Variants in TPCN2 observed in about 807,000 individuals in gnomAD.
TPCN2 encodes two pore segment channel 2.
TPCN2 carries 92 observed loss-of-function variants against 111.4 expected under a neutral mutation model. The observed-to-expected ratio is 0.83, with a 90% confidence interval of 0.70 to 0.98. The LOEUF is 0.98. Ranked by LOEUF, TPCN2 falls within the 50% of genes least tolerant of loss-of-function variation. TPCN2 has a pLI of 0.00. For missense variants in TPCN2, 995 were observed against 980.1 expected, an observed-to-expected ratio of 1.02 and a Z score of -0.20; for synonymous variants, 405 against 414.5, an observed-to-expected ratio of 0.98 and a Z score of 0.28.
chr11:69,060,446 G>A (rs1466264884), intron 5 of TPCN2, among the ~76,000 whole-genome samples: 3 of 152,182 alleles, frequency 2.0e-5, no homozygotes, highest in East Asian at 1.9e-4. Flanking sequence ...CCTTGTGGCC[G>A]AGTGGGTTGG....
intron 21 of TPCN2, 21 bp downstream of exon 21, chr11:69,085,773 C>T (rs1179817119): frequency 6.2e-7 from 1 of 1,613,502 alleles, no homozygotes. Flanking sequence ...CGCCCTGTCC[C>T]AGCACCCTGC....
rs758062897 is a variant in TPCN2, at chr11:69,055,361, G to A, written c.429+9G>A. The A allele has an allele frequency of 1.3e-6, 2 of 1,598,970 alleles. No individual in the cohort carries two copies. The highest frequency in any genetic ancestry group is 1.1e-5 in the South Asian group (1 of 90,072). ...CCGACCTCTCTGTGAAGGTGAGGCG[G>A]GCGCCAGGCCCTCTACGTGCTGCCC... is the stretch of plus-strand genomic sequence containing the variant. On this transcript the variant is annotated intron_variant, in intron 4 of 24. Transcript: ENST00000294309.
chr11:69,074,237 G>C (rs1855657438), intron 13 of TPCN2, among the ~76,000 whole-genome samples: 1 of 152,198 alleles, frequency 6.6e-6, no homozygotes. Context: ...CCCTGCCCCA[G>C]CCTGAGCTTG....
At chr11:69,067,660 G>A (rs1855330912) in intron 8 of TPCN2, 55 bp downstream of exon 8, 13 of 1,549,006 alleles carry the variant, frequency 8.4e-6, no homozygotes, top group Non-Finnish European at 1.2e-5. Context: ...GCACTGGGGG[G>A]CCGGTTTGGG....
intron 8 of TPCN2, 41 bp from the exon 9 acceptor site, chr11:69,070,389 T>C (rs370588907): frequency 7.4e-6 from 11 of 1,486,248 alleles, no homozygotes; most frequent in Non-Finnish European, 8.4e-6. Flanking sequence ...TGGGATCAGG[T>C]ACTGAGGTTG....
chr11:69,060,736 C>T (rs1854984573), intron 5 of TPCN2, among the ~76,000 whole-genome samples: 1 of 152,154 alleles, frequency 6.6e-6, no homozygotes, highest in African/African-American at 2.4e-5. Flanking sequence ...GGTGAGGGTG[C>T]AAGTTCCTGG....
At chr11:69,050,018 C>T (rs541960222) in intron 1 of TPCN2, among the ~76,000 whole-genome samples, 4 of 152,340 alleles carry the variant, frequency 2.6e-5, no homozygotes, top group South Asian at 2.1e-4. Context: ...CCTCTCTTTC[C>T]TTCTTTCCTC....
rs1288858347 is a variant in TPCN2 at position 69,088,326 on chromosome 11, G to C, written c.*373G>C. The C allele has an allele frequency of 4.6e-6, 1 of 217,574 alleles. No homozygotes were observed. The highest frequency in any genetic ancestry group is 2.3e-5 in the African/African-American group (1 of 44,160). The allele number at this position is 217,574 out of a possible 1,614,324, so 13.5% of individuals were successfully genotyped here. A position where few individuals can be genotyped will look rare whatever the true frequency, so the allele number is the denominator to read the frequency against. On this transcript the variant is annotated 3_prime_UTR_variant, in exon 25 of 25. Coordinates refer to ENST00000294309, the MANE Select transcript of TPCN2 (RefSeq NM_139075.4). Reference sequence around the variant, plus strand: ...CCCTTGGGGACCACAGGCCTGACCAGGGCCTGCACAGGTTAACCGTCAGAC... The same window carrying C: ...CCCTTGGGGACCACAGGCCTGACCACGGCCTGCACAGGTTAACCGTCAGAC...
intron 1 of TPCN2, among the ~76,000 whole-genome samples, chr11:69,052,089 ACCACGAGTGCTGGATGGTTC>A (rs1861250187): frequency 6.6e-6 from 1 of 152,166 alleles, no homozygotes; most frequent in Non-Finnish European, 1.5e-5. Flanking sequence ...GCGAAAGGGA[ACCACGAGTGCTGGATGGTTC>A]CAGGGGTGCC....
chr11:69,059,251 C>T (rs1386781163), intron 5 of TPCN2, among the ~76,000 whole-genome samples: 2 of 151,920 alleles, frequency 1.3e-5, no homozygotes, highest in Non-Finnish European at 2.9e-5. Context: ...ACCCAGCCCT[C>T]CCTGCTGTTC....
At chr11:69,049,558 C>T (rs916683100) in intron 1 of TPCN2, among the ~76,000 whole-genome samples, 22 of 152,234 alleles carry the variant, frequency 1.4e-4, no homozygotes, top group African/African-American at 4.6e-4. Flanking sequence ...CACAGAGAGG[C>T]GTTACCCTAC....
intron 2 of TPCN2, 89 bp downstream of exon 2, chr11:69,054,186 A>G (rs1854640874): frequency 9.6e-7 from 1 of 1,038,320 alleles, no homozygotes; most frequent in Non-Finnish European, 1.5e-6. Flanking sequence ...ACTGGGTCCA[A>G]GGCCTCCATT....
intron 18 of TPCN2, among the ~76,000 whole-genome samples, chr11:69,082,357 TAC>T (rs1432521452): frequency 1.3e-5 from 2 of 152,234 alleles, no homozygotes; most frequent in Non-Finnish European, 2.9e-5. Flanking sequence ...CACATGATCA[TAC>T]ACAGTCACAC....
At chr11:69,078,633 G>T in intron 14 of TPCN2, 32 bp downstream of exon 14, 1 of 1,613,592 alleles carries the variant, frequency 6.2e-7, no homozygotes, top group Non-Finnish European at 8.5e-7. Context: ...AGCTGGCACG[G>T]AAGTGCCGGT....
At chr11:69,084,174 G>A (rs1590753053) in intron 19 of TPCN2, among the ~76,000 whole-genome samples, 158 bp downstream of exon 19, 2 of 152,186 alleles carry the variant, frequency 1.3e-5, no homozygotes, top group African/African-American at 4.8e-5. Context: ...GTACAGGGTC[G>A]GGGTAAGAAG....
At chr11:69,084,919 G>A (rs1188641619) in intron 19 of TPCN2, 2 of 651,608 alleles carry the variant, frequency 3.1e-6, no homozygotes, top group South Asian at 6.9e-5. Context: ...TGGGGTTGGC[G>A]GGCAGCCTGT....
rs759289147 is a variant in TPCN2, at chr11:69,078,501, A to G, written c.1250A>G (p.Tyr417Cys). Residue 417 changes from tyrosine (Y) to cysteine (C), a missense_variant, in exon 14 of 25, where the codon TAC becomes TGC. Tyr to Cys is a radical substitution (Grantham distance 194). Coordinates refer to ENST00000294309, the MANE Select transcript of TPCN2 (RefSeq NM_139075.4). ...GCCCAGCACCCGCCGAGGCCCGAGT[A>G]CCAGTCTCCGTTTCTGCAGAGCGCC... ...VVKEHPPRPE[Y>C]QSPFLQSAQF... 33 of 1,613,998 alleles carry G rather than the reference A, an allele frequency of 2.0e-5. No homozygotes were observed. The highest frequency in any genetic ancestry group is 2.5e-5 in the Non-Finnish European group (30 of 1,180,042).
At chr11:69,049,644 G>A (rs981249561) in intron 1 of TPCN2, among the ~76,000 whole-genome samples, 1 of 152,070 alleles carries the variant, frequency 6.6e-6, no homozygotes, top group Non-Finnish European at 1.5e-5. Flanking sequence ...TCTTTGTAGG[G>A]TGCCTTTCCC....
chr11:69,065,955 C>T (rs1481233747), intron 7 of TPCN2, among the ~76,000 whole-genome samples: 4 of 151,984 alleles, frequency 2.6e-5, no homozygotes, highest in Non-Finnish European at 5.9e-5. Context: ...GAAGTCATGC[C>T]TAGGGTCTGG....
Sources: allele counts gnomAD v4.1 joint callset (sites outside exome capture counted in the v4.1 genomes callset), GRCh38; gene constraint gnomAD v4.1.1; transcripts MANE v1.5; gene names NCBI Gene and HGNC (gene_info 2026-07-23, HGNC 2026-07-21).